TAOK3: variants seen among roughly 807,000 people sequenced by gnomAD.
TAOK3 encodes TAO kinase 3.
TAOK3 carries 40 observed loss-of-function variants against 120.4 expected under a neutral mutation model. That is an observed-to-expected ratio of 0.33 (90% confidence interval 0.26 to 0.43). The LOEUF (loss-of-function observed/expected upper bound fraction) is 0.43, where lower values mean the gene tolerates loss of function less well. TAOK3 is among the 20% of genes least tolerant of loss of function. The probability of loss-of-function intolerance (pLI) is 1.00; values close to 1 mark genes in which losing one functional copy is unlikely to be tolerated. For synonymous variants in TAOK3, 355 were observed against 387.5 expected, an observed-to-expected ratio of 0.92 and a Z score of 0.99; for missense variants, 821 against 1,112.1, an observed-to-expected ratio of 0.74 and a Z score of 3.72.
intron 1 of TAOK3, among the ~76,000 whole-genome samples, chr12:118,361,300 A>T (rs2045590001): frequency 6.6e-6 from 1 of 152,168 alleles, no homozygotes; most frequent in African/African-American, 2.4e-5. Flanking sequence ...GCCATCGTGG[A>T]TGTATGGTGT....
intron 1 of TAOK3, among the ~76,000 whole-genome samples, chr12:118,343,034 TA>T (rs369481948): frequency 0.015 from 2,178 of 145,506 alleles, 50 homozygotes; most frequent in African/African-American, 0.05. Flanking sequence ...TTCTTAGGCT[TA>T]AAAAAAAAAA....
At chr12:118,152,196 T>G (rs2034497512) in intron 20 of TAOK3, 31 bp downstream of exon 20, 2 of 1,595,248 alleles carry the variant, frequency 1.3e-6, no homozygotes, top group Non-Finnish European at 1.7e-6. Context: ...TTCCACCCAG[T>G]GGCACCGGAC....
chr12:118,248,420 A>C (rs1324358922), intron 3 of TAOK3, among the ~76,000 whole-genome samples: 1 of 152,154 alleles, frequency 6.6e-6, no homozygotes, highest in African/African-American at 2.4e-5. Flanking sequence ...TGGCTTTTAA[A>C]CTTTAACACT....
At chr12:118,200,260 TA>T (rs2037955629) in intron 12 of TAOK3, 1 of 152,220 alleles carries the variant, frequency 6.6e-6, no homozygotes, top group Admixed American at 6.5e-5. Context: ...TATTTTCTGT[TA>T]AAAAGCTAAA....
chr12:118,194,162 A>G (rs1417078618), intron 13 of TAOK3, among the ~76,000 whole-genome samples: 1 of 152,198 alleles, frequency 6.6e-6, no homozygotes. Context: ...GGGGGGATGT[A>G]TCTAAAAATG....
chr12:118,365,377 C>T (rs927841348), intron 1 of TAOK3, among the ~76,000 whole-genome samples: 2 of 151,266 alleles, frequency 1.3e-5, no homozygotes, highest in African/African-American at 2.4e-5. Context: ...GGATTAGAGG[C>T]GTGCAAACAC....
intron 1 of TAOK3, among the ~76,000 whole-genome samples, chr12:118,334,450 G>A (rs1029970064): frequency 5.3e-5 from 8 of 152,184 alleles, no homozygotes; most frequent in African/African-American, 1.4e-4. Flanking sequence ...TGCCAGGGCC[G>A]AGGGCTAGGG....
chr12:118,364,813 G>A (rs1024461168), intron 1 of TAOK3, among the ~76,000 whole-genome samples: 2 of 152,160 alleles, frequency 1.3e-5, no homozygotes, highest in South Asian at 2.1e-4. Context: ...GCTGAGGCAG[G>A]AGAATTGCTT....
At chr12:118,363,714 G>C (rs1254463485) in intron 1 of TAOK3, among the ~76,000 whole-genome samples, 1 of 151,754 alleles carries the variant, frequency 6.6e-6, no homozygotes, top group Non-Finnish European at 1.5e-5. Context: ...AAGAAGACCA[G>C]TCTGGTCAAG....
At chr12:118,206,826 A>T (rs927920389) in intron 11 of TAOK3, among the ~76,000 whole-genome samples, 29 of 151,390 alleles carry the variant, frequency 1.9e-4, no homozygotes, top group African/African-American at 6.8e-4. Context: ...CAATCTCCTG[A>T]CCTCGTGATC....
rs12322761 is a variant in TAOK3 at position 118,224,803 on chromosome 12, C to G, written c.643+8871G>C. ...TGATGCCATCCCAGCAATTCAACTT[C>G]TAGATTAGGGTGTTTTTAAAAAAAT... On this transcript the variant is annotated intron_variant, in intron 9 of 20. Transcript: ENST00000392533. Among the ~76,000 whole-genome samples, 4 of 152,016 alleles carry G rather than the reference C, an allele frequency of 2.6e-5. No homozygotes were observed. In the East Asian group the frequency reaches 7.7e-4, roughly 29 times the overall value.
At chr12:118,217,824 T>C (rs1457111602) in intron 9 of TAOK3, among the ~76,000 whole-genome samples, 1 of 69,216 alleles carries the variant, frequency 1.4e-5, no homozygotes, top group East Asian at 4.1e-4. Flanking sequence ...TACATATATA[T>C]ATATATATAT....
chr12:118,275,638 A>G (rs1014239589), intron 1 of TAOK3, among the ~76,000 whole-genome samples: 1 of 152,162 alleles, frequency 6.6e-6, no homozygotes, highest in East Asian at 1.9e-4. Flanking sequence ...TTACTCATTT[A>G]TTCATGTATC....
intron 9 of TAOK3, among the ~76,000 whole-genome samples, chr12:118,223,045 G>C (rs904256396): frequency 2.6e-5 from 4 of 151,078 alleles, no homozygotes; most frequent in African/African-American, 9.7e-5. Context: ...AAGGTATAAG[G>C]GTTCTTTTCT....
chr12:118,235,834 A>G, intron 7 of TAOK3, 163 bp from the exon 8 acceptor site: 5 of 556,712 alleles, frequency 9.0e-6, no homozygotes, highest in Non-Finnish European at 9.6e-6. Context: ...TAATTACTGC[A>G]TGTTGTAAGG....
intron 1 of TAOK3, among the ~76,000 whole-genome samples, chr12:118,359,344 C>T (rs1034888216): frequency 2.0e-5 from 3 of 152,086 alleles, no homozygotes; most frequent in Admixed American, 6.6e-5. Context: ...CAATGCTCAC[C>T]GTTATGGTAT....
intron 1 of TAOK3, among the ~76,000 whole-genome samples, chr12:118,359,886 T>C (rs1409293264): frequency 6.6e-6 from 1 of 152,154 alleles, no homozygotes; most frequent in African/African-American, 2.4e-5. Context: ...ACTAGGATGA[T>C]TGTGAATTGA....
At chr12:118,275,513 C>T (rs1354462759) in intron 1 of TAOK3, among the ~76,000 whole-genome samples, 1 of 152,176 alleles carries the variant, frequency 6.6e-6, no homozygotes, top group East Asian at 1.9e-4. Context: ...AACTATAATA[C>T]ACAATAATTT....
chr12:118,181,946 A>G (rs144312409), intron 14 of TAOK3, among the ~76,000 whole-genome samples: 1,799 of 152,312 alleles, frequency 0.012, 34 homozygotes, highest in African/African-American at 0.041. Flanking sequence ...GTACTTTGGG[A>G]GGCTGAGGCA....
Sources: gnomAD v4.1 joint callset for allele counts (sites outside exome capture counted in the v4.1 genomes callset) on GRCh38, gnomAD v4.1.1 for gene constraint, MANE v1.5 for transcripts, NCBI Gene and HGNC (gene_info 2026-07-23, HGNC 2026-07-21) for gene names.